PLEKHG4B: variants seen among roughly 807,000 people sequenced by gnomAD.
The protein encoded by PLEKHG4B is pleckstrin homology domain-containing family G member 4B.
A neutral mutation model predicts 121.3 loss-of-function variants in PLEKHG4B; 111 were observed. The observed-to-expected ratio is 0.92, with a 90% CI of 0.78 to 1.07. The LOEUF is 1.07. Among genes scored for constraint, PLEKHG4B ranks in the 50% least tolerant of loss-of-function variants. The pLI, the probability that PLEKHG4B is intolerant of heterozygous loss-of-function variation, is 0.00. For synonymous variants in PLEKHG4B, 738 were observed against 725.0 expected (o/e 1.02, Z -0.29); for missense variants, 1,831 against 1,757.8 (o/e 1.04, Z -0.74).
intron 1 of PLEKHG4B, among the ~76,000 whole-genome samples, chr5:95,685 G>T (rs1733610101): frequency 6.6e-6 from 1 of 152,214 alleles, no homozygotes; most frequent in African/African-American, 2.4e-5. Context: ...CTTGCCACCT[G>T]AACATCATTC....
intron 19 of PLEKHG4B, 141 bp downstream of exon 19, chr5:181,816 T>G: frequency 7.6e-7 from 1 of 1,321,822 alleles, no homozygotes; most frequent in Non-Finnish European, 1.0e-6. Flanking sequence ...ACGGGTACGG[T>G]GGCCTCGGCC....
At chr5:170,969 G>A in intron 14 of PLEKHG4B, 74 bp from the exon 15 acceptor site, 1 of 1,284,184 alleles carries the variant, frequency 7.8e-7, no homozygotes, top group South Asian at 1.3e-5. Context: ...TTCCAAGTCT[G>A]ACCCGGGCTG....
chr5:134,243 T>C (rs1734878145), intron 2 of PLEKHG4B, among the ~76,000 whole-genome samples: 1 of 151,152 alleles, frequency 6.6e-6, no homozygotes, highest in African/African-American at 2.4e-5. Context: ...AGACATTGTA[T>C]GTTCTCATTC....
intron 1 of PLEKHG4B, among the ~76,000 whole-genome samples, chr5:104,487 A>C (rs550818191): frequency 8.5e-5 from 13 of 152,384 alleles, no homozygotes; most frequent in African/African-American, 3.1e-4. Flanking sequence ...ATAAAGGGGT[A>C]TAAATGTTCC....
chr5:113,946 A>G lies in PLEKHG4B; in HGVS notation c.243+498A>G, dbSNP rs1056291073. ...GGTCTCAGTTCCAGACCAGCAAAGT[A>G]AGGCAGATACCACGCTAATGCCAGA... is the stretch of plus-strand genomic sequence containing the variant. On this transcript the variant is annotated intron_variant, in intron 2 of 19. Coordinates refer to ENST00000637938, the MANE Select transcript of PLEKHG4B (RefSeq NM_052909.5). This position sits in a 1 kb window ranked among gnomAD's most constrained non-coding sequence, Gnocchi z 5.2. 3.0e-4 allele frequency among the ~76,000 whole-genome samples: 46 copies of G among 152,216 alleles called. No individual in the cohort carries two copies. The highest frequency in any genetic ancestry group is 5.7e-4 in the Non-Finnish European group (39 of 68,036).
At chr5:160,289 C>T (rs1183081469) in intron 11 of PLEKHG4B, among the ~76,000 whole-genome samples, 1 of 152,226 alleles carries the variant, frequency 6.6e-6, no homozygotes, top group Non-Finnish European at 1.5e-5. Context: ...TAGAAACTCC[C>T]CATGTTGAAC....
intron 2 of PLEKHG4B, among the ~76,000 whole-genome samples, chr5:124,404 G>A: frequency 6.6e-6 from 1 of 152,144 alleles, no homozygotes; most frequent in East Asian, 1.9e-4. Context: ...GTTGATTTAT[G>A]GTGTTGTTAA....
intron 2 of PLEKHG4B, among the ~76,000 whole-genome samples, chr5:135,682 A>AATAT (rs70955207): frequency 0.012 from 234 of 19,438 alleles, 7 homozygotes; most frequent in Middle Eastern, 0.056. Context: ...AAAAAAAAAA[A>AATAT]ATATATATAT....
intron 18 of PLEKHG4B, among the ~76,000 whole-genome samples, chr5:178,586 A>C (rs1466185880): frequency 6.6e-6 from 1 of 151,914 alleles, no homozygotes; most frequent in Non-Finnish European, 1.5e-5. Flanking sequence ...GTAAATTTGA[A>C]TTTGTCTATT....
At chr5:136,617 A>G (rs1579272918) in intron 2 of PLEKHG4B, among the ~76,000 whole-genome samples, 1 of 152,242 alleles carries the variant, frequency 6.6e-6, no homozygotes, top group East Asian at 1.9e-4. Flanking sequence ...ATTAGATACC[A>G]CCTCCCACCC....
At chr5:110,258 A>G (rs1321084273) in intron 1 of PLEKHG4B, among the ~76,000 whole-genome samples, 7 of 144,802 alleles carry the variant, frequency 4.8e-5, no homozygotes, top group Non-Finnish European at 1.0e-4. Context: ...ACACATGCAC[A>G]CATCCACACA....
At position 151,382 on chromosome 5, in the gene PLEKHG4B, C is replaced by T. The variant is rs1346655444; in HGVS notation, c.1906-131C>T. ...AATTTACATTTCAGGGCAAAGTCAGCCATGTTTTATGCACTGTAGGCACTC... is the reference window on the plus strand; with the variant it reads ...AATTTACATTTCAGGGCAAAGTCAGTCATGTTTTATGCACTGTAGGCACTC... On this transcript the variant is annotated intron_variant, in intron 6 of 19. Transcript: ENST00000637938. 4.7e-5 allele frequency: 24 copies of T among 509,926 alleles called. No homozygotes were observed. In the Admixed American group the frequency reaches 8.8e-4, roughly 19 times the overall value. The allele number at this position is 509,926 out of a possible 1,614,324, so 31.6% of individuals were successfully genotyped here. A position where few individuals can be genotyped will look rare whatever the true frequency, so the allele number is the denominator to read the frequency against.
At chr5:102,531 G>A (rs937909379) in intron 1 of PLEKHG4B, among the ~76,000 whole-genome samples, 1 of 147,308 alleles carries the variant, frequency 6.8e-6, no homozygotes, top group African/African-American at 2.7e-5. Context: ...AGGGCAAATG[G>A]GTTAAAAGTG....
chr5:180,212 G>A (rs559370569), intron 18 of PLEKHG4B, among the ~76,000 whole-genome samples: 3 of 152,226 alleles, frequency 2.0e-5, no homozygotes, highest in South Asian at 2.1e-4. Flanking sequence ...ATTTTTGTTG[G>A]AAGAGCAGGG....
rs2126396732 is a variant in PLEKHG4B at position 139,822 on chromosome 5, G to A, written c.583G>A (p.Val195Ile). ...LAVHRAPWSD[V>I]TDPVFVPSPG... ...CGTCCACCGAGCCCCGTGGAGCGAC[G>A]TCACTGACCCTGTCTTTGTCCCCAG... is the stretch of plus-strand genomic sequence containing the variant. Residue 195 changes from valine to isoleucine, a missense_variant, in exon 3 of 20, where the codon GTC (valine) becomes ATC (isoleucine). Transcript: ENST00000637938. The surrounding 1 kb of genome is among the most constrained non-coding windows in gnomAD (Gnocchi z 5.0). 3 of 398,822 alleles carry A rather than the reference G, an allele frequency of 7.5e-6. No homozygotes were observed. Among genetic ancestry groups the A allele is most frequent in the Non-Finnish European group, 8.8e-6 (2 of 226,236 alleles). The allele number at this position is 398,822 out of a possible 1,614,324, so 24.7% of individuals were successfully genotyped here. A position where few individuals can be genotyped will look rare whatever the true frequency, so the allele number is the denominator to read the frequency against.
chr5:102,478 A>C (rs975005206), intron 1 of PLEKHG4B, among the ~76,000 whole-genome samples: 2 of 152,202 alleles, frequency 1.3e-5, no homozygotes, highest in Non-Finnish European at 2.9e-5. Context: ...AAGTTATCTC[A>C]GGGTAAACAC....
chr5:158,069 G>A (rs1422389500), intron 11 of PLEKHG4B, among the ~76,000 whole-genome samples: 5 of 152,174 alleles, frequency 3.3e-5, no homozygotes, highest in Non-Finnish European at 7.4e-5. Flanking sequence ...CCCACACCAG[G>A]CAAGTGGAGT....
chr5:164,525 G>T (rs1349559033), intron 13 of PLEKHG4B, among the ~76,000 whole-genome samples: 1 of 85,216 alleles, frequency 1.2e-5, no homozygotes, highest in Admixed American at 1.1e-4. Flanking sequence ...ACACAGTAAT[G>T]CTGTGACAGG....
intron 7 of PLEKHG4B, 81 bp from the exon 8 acceptor site, chr5:154,794 A>C: frequency 1.0e-5 from 11 of 1,083,356 alleles, no homozygotes; most frequent in Non-Finnish European, 8.5e-6. Flanking sequence ...CATCCTCTGA[A>C]CCCAGGAATG....
Sources: allele counts gnomAD v4.1 joint callset (sites outside exome capture counted in the v4.1 genomes callset), GRCh38; gene constraint gnomAD v4.1.1; non-coding constraint Gnocchi (gnomAD v3.1); transcripts MANE v1.5; gene names NCBI Gene and HGNC (gene_info 2026-07-23, HGNC 2026-07-21).